LRFN2: variants seen among roughly 807,000 people sequenced by gnomAD.
The protein encoded by LRFN2 is leucine rich repeat and fibronectin type III domain containing 2.
Under a neutral mutation model 37.3 loss-of-function variants are expected in LRFN2, and 18 were observed. That is an observed-to-expected ratio of 0.48 (90% confidence interval 0.33 to 0.72). The LOEUF is 0.72. Among genes scored for constraint, LRFN2 ranks in the 30% least tolerant of loss-of-function variants. The probability of loss-of-function intolerance (pLI) is 0.02; values close to 1 mark genes in which losing one functional copy is unlikely to be tolerated. For missense variants in LRFN2, 1,006 were observed against 1,060.7 expected (o/e 0.95, Z 0.72); for synonymous variants, 556 against 466.6 (o/e 1.19, Z -2.47).
intron 1 of LRFN2, among the ~76,000 whole-genome samples, chr6:40,568,686 T>TCCTC (rs1436665573): frequency 1.3e-4 from 7 of 53,348 alleles, no homozygotes; most frequent in African/African-American, 5.3e-4. Flanking sequence ...CTCCCCCATT[T>TCCTC]CCTTCCTTCC....
chr6:40,422,235 C>G (rs370828654), intron 2 of LRFN2, among the ~76,000 whole-genome samples: 1 of 152,184 alleles, frequency 6.6e-6, no homozygotes, highest in South Asian at 2.1e-4. Flanking sequence ...CATGGTAGAG[C>G]TGGGATTGAA....
chr6:40,531,005 A>T (rs983647359), intron 1 of LRFN2, among the ~76,000 whole-genome samples: 10 of 152,166 alleles, frequency 6.6e-5, no homozygotes, highest in African/African-American at 2.2e-4. Context: ...GAAATACCAG[A>T]TGCATCCAAA....
At chr6:40,480,729 A>G (rs897093140) in intron 1 of LRFN2, among the ~76,000 whole-genome samples, 2 of 152,178 alleles carry the variant, frequency 1.3e-5, no homozygotes, top group African/African-American at 2.4e-5. Flanking sequence ...CCTGGAAATA[A>G]GAATAAATCC....
intron 1 of LRFN2, among the ~76,000 whole-genome samples, chr6:40,552,867 T>C (rs1294266697): frequency 1.3e-5 from 2 of 152,258 alleles, no homozygotes; most frequent in African/African-American, 4.8e-5. Flanking sequence ...TATGGAATTT[T>C]CTTGACTAGA....
Position 40,432,172 on chromosome 6 carries a change from C to T in LRFN2, c.942G>A (p.Gly314=). Residue 314 remains glycine, a synonymous_variant, in exon 2 of 3, where the codon GGG becomes GGA. Coordinates refer to ENST00000338305, the MANE Select transcript of LRFN2 (RefSeq NM_020737.3). ...CCCAGTGGATAAGGGGGCTGGGGTCCCCAATGGCTTTGCACTTGAGTGTGG... is the reference window on the plus strand; with the variant it reads ...CCCAGTGGATAAGGGGGCTGGGGTCTCCAATGGCTTTGCACTTGAGTGTGG... ...QAATLKCKAI[G]DPSPLIHWVA... 2 of 1,613,818 alleles carry T rather than the reference C, an allele frequency of 1.2e-6. No homozygotes were observed. The highest frequency in any genetic ancestry group is 1.1e-5 in the South Asian group (1 of 91,084).
At chr6:40,551,147 C>G (rs921353395) in intron 1 of LRFN2, among the ~76,000 whole-genome samples, 2 of 152,132 alleles carry the variant, frequency 1.3e-5, no homozygotes, top group Non-Finnish European at 2.9e-5. Context: ...TCCAGAGGAA[C>G]ATGTGATCCA....
chr6:40,566,756 A>G (rs10456494), intron 1 of LRFN2, among the ~76,000 whole-genome samples: 75,993 of 150,242 alleles, frequency 0.51, 19,582 homozygotes, highest in Middle Eastern at 0.61. Flanking sequence ...AGAGGGGAGG[A>G]ATAGCATTAG....
rs1427059343 is a variant in LRFN2 at position 40,584,214 on chromosome 6, C to T, written c.-19+2727G>A. Among the ~76,000 whole-genome samples the T allele has an allele frequency of 3.9e-5, 6 of 152,286 alleles. No individual in the cohort carries two copies. In the South Asian group the frequency reaches 6.2e-4, roughly 16 times the overall value. On this transcript the variant is annotated intron_variant, in intron 1 of 2. Transcript: ENST00000338305. ...TGAAGAACTCTCTCTCCCTTCCAAC[C>T]CTCCCTGTTTCCACTGAAGACTCTC...
At chr6:40,454,860 T>G (rs1420203133) in intron 1 of LRFN2, among the ~76,000 whole-genome samples, 1 of 152,208 alleles carries the variant, frequency 6.6e-6, no homozygotes, top group East Asian at 1.9e-4. Flanking sequence ...CAAAACCTAA[T>G]GCATAGTGAG....
intron 2 of LRFN2, among the ~76,000 whole-genome samples, chr6:40,428,269 T>C (rs1028764583): frequency 6.6e-6 from 1 of 152,208 alleles, no homozygotes; most frequent in Non-Finnish European, 1.5e-5. Flanking sequence ...TCTATTCTCA[T>C]TGTAACCTCT....
intron 1 of LRFN2, among the ~76,000 whole-genome samples, chr6:40,444,911 TTTA>T (rs1455597302): frequency 6.6e-6 from 1 of 152,024 alleles, no homozygotes; most frequent in Non-Finnish European, 1.5e-5. Flanking sequence ...GATTTTTTTT[TTTA>T]TTACCTCCAG....
chr6:40,392,212 GC>G lies in LRFN2; in HGVS notation c.2100del (p.Pro702LeufsTer83). 6.4e-7 allele frequency: 1 copy of G among 1,569,318 alleles called. No homozygotes were observed. Among genetic ancestry groups the G allele is most frequent in the Non-Finnish European group, 8.6e-7 (1 of 1,158,862 alleles). On this transcript the variant is annotated frameshift_variant, in exon 3 of 3. Transcript: ENST00000338305. LOFTEE classifies it high-confidence loss of function. This position sits in a 1 kb window ranked among gnomAD's most constrained non-coding sequence, Gnocchi z 4.7. ...GHHSDREPLL[G>X]PPAARARSLL... ...AGGCTCCTGGCCCGGGCCGCAGGGG[GC>G]CCCAGCAGTGGCTCTCGGTCCGAGT...
chr6:40,398,411 C>T (rs1226310199), intron 2 of LRFN2, among the ~76,000 whole-genome samples: 3 of 151,872 alleles, frequency 2.0e-5, no homozygotes, highest in Non-Finnish European at 1.5e-5. Flanking sequence ...TGCCGCCGAC[C>T]TTCTGCTGCT....
At chr6:40,493,070 C>G (rs1385906997) in intron 1 of LRFN2, among the ~76,000 whole-genome samples, 1 of 152,032 alleles carries the variant, frequency 6.6e-6, no homozygotes, top group Admixed American at 6.6e-5. Flanking sequence ...AGCAAGGAGA[C>G]TATGACATAT....
chr6:40,511,084 G>T (rs1765693170), intron 1 of LRFN2, among the ~76,000 whole-genome samples: 1 of 152,114 alleles, frequency 6.6e-6, no homozygotes, highest in African/African-American at 2.4e-5. Context: ...GGGCAGGAGG[G>T]AACACAGAGT....
At chr6:40,465,199 G>A (rs571500794) in intron 1 of LRFN2, among the ~76,000 whole-genome samples, 25 of 152,228 alleles carry the variant, frequency 1.6e-4, no homozygotes, top group African/African-American at 5.8e-4. Context: ...AAGCTAGAAA[G>A]AGCAAGGAAA....
rs1763548965 is a variant in LRFN2, at chr6:40,433,004, A to G, written c.110T>C (p.Leu37Pro). Residue 37 changes from leucine to proline, a missense_variant, in exon 2 of 3, where the codon CTG (leucine) becomes CCG (proline). Coordinates refer to ENST00000338305, the MANE Select transcript of LRFN2 (RefSeq NM_020737.3). ...CQNLSESLGT[L>P]CPSKGLLFVP... ...AAAGAGCAGCCCCTTGGAGGGGCACAGGGTCCCCAGTGACTCAGACAGATT... is the reference window on the plus strand; with the variant it reads ...AAAGAGCAGCCCCTTGGAGGGGCACGGGGTCCCCAGTGACTCAGACAGATT... 6.2e-7 allele frequency: 1 copy of G among 1,608,728 alleles called. No individual in the cohort carries two copies. The highest frequency in any genetic ancestry group is 8.5e-7 in the Non-Finnish European group (1 of 1,176,972).
At chr6:40,440,922 T>C (rs775883905) in intron 1 of LRFN2, among the ~76,000 whole-genome samples, 1 of 152,184 alleles carries the variant, frequency 6.6e-6, no homozygotes, top group Admixed American at 6.5e-5. Context: ...TTCAAATCAC[T>C]GTTCCATTTC....
intron 1 of LRFN2, among the ~76,000 whole-genome samples, chr6:40,458,250 C>A (rs1394624247): frequency 6.6e-6 from 1 of 152,124 alleles, no homozygotes; most frequent in Non-Finnish European, 1.5e-5. Context: ...GTAGTAAACA[C>A]GAATGTATAA....
Sources: allele counts gnomAD v4.1 joint callset (sites outside exome capture counted in the v4.1 genomes callset), GRCh38; gene constraint gnomAD v4.1.1; non-coding constraint Gnocchi (gnomAD v3.1); transcripts MANE v1.5; gene names NCBI Gene and HGNC (gene_info 2026-07-23, HGNC 2026-07-21).